The following MED12L variants were observed in gnomAD, a reference collection of about 807,000 sequenced individuals.
The protein encoded by MED12L is mediator of RNA polymerase II transcription subunit 12-like protein.
MED12L carries 60 observed loss-of-function variants against 281.3 expected under a neutral mutation model. That is an observed-to-expected ratio of 0.21 (90% confidence interval 0.17 to 0.26). The LOEUF is 0.26. Ranked by LOEUF, MED12L falls within the 10% of genes least tolerant of loss-of-function variation. The probability of loss-of-function intolerance (pLI) is 1.00; values close to 1 mark genes in which losing one functional copy is unlikely to be tolerated. For synonymous variants in MED12L, 974 were observed against 987.2 expected, an observed-to-expected ratio of 0.99 and a Z score of 0.25; for missense variants, 2,146 against 2,680.9, an observed-to-expected ratio of 0.80 and a Z score of 4.41.
chr3:151,159,465 A>G (rs1719712898), intron 7 of MED12L, among the ~76,000 whole-genome samples: 1 of 152,210 alleles, frequency 6.6e-6, no homozygotes. Flanking sequence ...AGCTCTTGAA[A>G]TGTGACCAGT....
chr3:151,337,923 G>T lies in MED12L; in HGVS notation c.2251-12136G>T, dbSNP rs1253586732. ...GGGGCACTTCAGCATACTTATCAAGGAATTTCTGAAGGACTTGCAAAGGAA... is the reference window on the plus strand; with the variant it reads ...GGGGCACTTCAGCATACTTATCAAGTAATTTCTGAAGGACTTGCAAAGGAA... On this transcript the variant is annotated intron_variant, in intron 16 of 44. Transcript: ENST00000687756. 6.2e-7 allele frequency: 1 copy of T among 1,613,948 alleles called. No individual in the cohort carries two copies. Among genetic ancestry groups the T allele is most frequent in the Non-Finnish European group, 8.5e-7 (1 of 1,179,988 alleles).
chr3:151,383,135 T>TATAAAGACA (rs1712699440), intron 33 of MED12L, among the ~76,000 whole-genome samples: 1 of 152,268 alleles, frequency 6.6e-6, no homozygotes, highest in South Asian at 2.1e-4. Flanking sequence ...TCAAATTGAT[T>TATAAAGACA]ATAAAGACAA....
chr3:151,198,858 G>A lies in MED12L; in HGVS notation c.2250+5192G>A, dbSNP rs762828941. ...ACACATATGAAATTTGTCAGCAAATGCCAATTTCTTCCAAATTCCTTTTTA... is the reference window on the plus strand; with the variant it reads ...ACACATATGAAATTTGTCAGCAAATACCAATTTCTTCCAAATTCCTTTTTA... On this transcript the variant is annotated intron_variant, in intron 16 of 44. Transcript: ENST00000687756. The A allele has an allele frequency of 3.1e-6, 5 of 1,613,538 alleles. No homozygotes were observed. The highest frequency in any genetic ancestry group is 1.7e-5 in the Admixed American group (1 of 60,006).
At chr3:151,251,426 C>T (rs1046906204) in intron 16 of MED12L, among the ~76,000 whole-genome samples, 4 of 151,986 alleles carry the variant, frequency 2.6e-5, no homozygotes, top group Non-Finnish European at 5.9e-5. Flanking sequence ...TTATTCCCAC[C>T]AAACCTCAGG....
chr3:151,387,862 G>T lies in MED12L; in HGVS notation c.5141G>T (p.Gly1714Val). The T allele has an allele frequency of 6.2e-7, 1 of 1,614,062 alleles. No individual in the cohort carries two copies. Among genetic ancestry groups the T allele is most frequent in the South Asian group, 1.1e-5 (1 of 91,072 alleles). ...GTGTCCCCGTGGGACTTGTTTGAGG[G>T]TCAGAAGAACCCAGCTCCTTTGTCC... Reference protein sequence around the residue: ...QKVSPWDLFEGQKNPAPLSWA... With the variant: ...QKVSPWDLFEVQKNPAPLSWA... The change falls in exon 37 of 45, where the codon GGT (glycine) becomes GTT (valine). Residue 1714 changes from glycine (G) to valine (V), a missense_variant. Physicochemically the swap from Gly to Val is moderately radical, Grantham distance 109. Coordinates refer to ENST00000687756, the MANE Select transcript of MED12L (RefSeq NM_001393769.1).
Position 151,409,275 on chromosome 3 carries a change from T to C in MED12L, c.5853T>C (p.Ala1951=). Residue 1951 remains alanine, a synonymous_variant, in exon 40 of 45, where the codon GCT becomes GCC. Transcript: ENST00000687756. ...CGGGGGACCAGGCTGCTCTCTTTGC[T>C]GCGCAAGCACGGCCCTCCCCTCAGC... ...GQPGDQAALF[A]AQARPSPQLP... The C allele has an allele frequency of 1.2e-6, 2 of 1,611,132 alleles. No individual in the cohort carries two copies. The highest frequency in any genetic ancestry group is 8.5e-7 in the Non-Finnish European group (1 of 1,179,168).
At chr3:151,385,563 A>G (rs1383524802) in intron 36 of MED12L, among the ~76,000 whole-genome samples, 1 of 152,098 alleles carries the variant, frequency 6.6e-6, no homozygotes, top group Admixed American at 6.6e-5. Context: ...TAAGCTGAGC[A>G]TGGTGGCACA....
At chr3:151,210,214 G>T (rs1726941965) in intron 16 of MED12L, among the ~76,000 whole-genome samples, 1 of 152,210 alleles carries the variant, frequency 6.6e-6, no homozygotes, top group East Asian at 1.9e-4. Context: ...GTGGCCAGTG[G>T]AATCAGACAT....
At chr3:151,297,702 A>G (rs1441961038) in intron 16 of MED12L, among the ~76,000 whole-genome samples, 2 of 152,178 alleles carry the variant, frequency 1.3e-5, no homozygotes, top group East Asian at 3.8e-4. Context: ...AGTGTTGCTT[A>G]GGGATATGAG....
intron 42 of MED12L, among the ~76,000 whole-genome samples, chr3:151,413,606 G>C (rs2276766): frequency 0.25 from 37,836 of 152,010 alleles, 4,939 homozygotes; most frequent in South Asian, 0.38. Context: ...CTCTGTTTAA[G>C]TAGGAGCCAT....
chr3:151,423,316 GT>G (rs1718494455), intron 43 of MED12L, among the ~76,000 whole-genome samples: 1 of 151,958 alleles, frequency 6.6e-6, no homozygotes, highest in Admixed American at 6.6e-5. Context: ...TCATCCCTTG[GT>G]TTTGGCTGTA....
intron 39 of MED12L, 84 bp downstream of exon 39, chr3:151,394,951 C>A: frequency 6.4e-7 from 1 of 1,550,644 alleles, no homozygotes; most frequent in Non-Finnish European, 8.8e-7. Context: ...GTAGCATATT[C>A]TTTCTGTATG....
intron 39 of MED12L, among the ~76,000 whole-genome samples, chr3:151,407,746 A>T (rs1292772030): frequency 6.6e-6 from 1 of 152,216 alleles, no homozygotes; most frequent in African/African-American, 2.4e-5. Flanking sequence ...GCCTACTCTG[A>T]AAGTAAGATT....
intron 2 of MED12L, among the ~76,000 whole-genome samples, chr3:151,087,895 T>TTC (rs1428355293): frequency 6.6e-6 from 1 of 152,134 alleles, no homozygotes; most frequent in East Asian, 1.9e-4. Context: ...TTTTTTTGTT[T>TTC]TTTTTTTGAT....
rs139581447 is a variant in MED12L at position 151,107,484 on chromosome 3, A to G, written c.100-8854A>G. On this transcript the variant is annotated intron_variant, in intron 2 of 44. Transcript: ENST00000687756. ...ATCCCCTGGACTTAGCAGAGTCTGTATGCATAATTATTTGTTAATCGAATG... is the reference window on the plus strand; with the variant it reads ...ATCCCCTGGACTTAGCAGAGTCTGTGTGCATAATTATTTGTTAATCGAATG... Among the ~76,000 whole-genome samples the G allele has an allele frequency of 2.6e-4, 39 of 152,292 alleles. No homozygotes were observed. The East Asian group carries it at 7.1e-3, about 28-fold the overall frequency.
At chr3:151,210,785 G>T (rs1727042365) in intron 16 of MED12L, among the ~76,000 whole-genome samples, 1 of 152,200 alleles carries the variant, frequency 6.6e-6, no homozygotes, top group East Asian at 1.9e-4. Flanking sequence ...GAAAAATGAG[G>T]AAATAATTGA....
chr3:151,192,079 T>A (rs1165591044), intron 14 of MED12L, among the ~76,000 whole-genome samples: 1 of 152,260 alleles, frequency 6.6e-6, no homozygotes, highest in Non-Finnish European at 1.5e-5. Flanking sequence ...TAAAAATATT[T>A]AAACATTTGT....
chr3:151,141,901 C>G (rs370044068), intron 5 of MED12L, among the ~76,000 whole-genome samples: 1 of 152,128 alleles, frequency 6.6e-6, no homozygotes, highest in Non-Finnish European at 1.5e-5. Flanking sequence ...CTAGTCAGTC[C>G]TAGTAAATGT....
In MED12L at chr3:151,416,559, GT is replaced by G. The variant is rs1717580401; in HGVS notation, c.6408+141del. Reference sequence around the variant, plus strand: ...AAATTTTTCCTAGAACTTTACTAGAGTTTTATTGTCATTGTAGTTGGTATAT... The same window carrying G: ...AAATTTTTCCTAGAACTTTACTAGAGTTTATTGTCATTGTAGTTGGTATAT... On this transcript the variant is annotated intron_variant, in intron 43 of 44. Coordinates refer to ENST00000687756, the MANE Select transcript of MED12L (RefSeq NM_001393769.1). 43 of 783,038 alleles carry G rather than the reference GT, an allele frequency of 5.5e-5. No individual in the cohort carries two copies. In the South Asian group the frequency reaches 7.8e-4, roughly 14 times the overall value. 48.5% of individuals were successfully genotyped at this position (783,038 alleles called of 1,614,324 possible). A position where few individuals can be genotyped will look rare whatever the true frequency, so the allele number is the denominator to read the frequency against.
Sources: allele counts gnomAD v4.1 joint callset (sites outside exome capture counted in the v4.1 genomes callset), GRCh38; gene constraint gnomAD v4.1.1; transcripts MANE v1.5; gene names NCBI Gene and HGNC (gene_info 2026-07-23, HGNC 2026-07-21).